TRA2A: variants seen among roughly 807,000 people sequenced by gnomAD.
The protein encoded by TRA2A is transformer 2 alpha homolog.
Under a neutral mutation model 45.7 loss-of-function variants are expected in TRA2A, and 31 were observed. The observed-to-expected ratio is 0.68, with a 90% CI of 0.51 to 0.92. The LOEUF is 0.92. TRA2A is among the 40% of genes least tolerant of loss of function. The pLI is 0.00. For missense variants in TRA2A, 304 were observed against 367.5 expected (o/e 0.83, Z 1.41); for synonymous variants, 132 against 126.2 (o/e 1.05, Z -0.31).
At chr7:23,530,683 G>A (rs1207590741) in intron 1 of TRA2A, among the ~76,000 whole-genome samples, 1 of 152,126 alleles carries the variant, frequency 6.6e-6, no homozygotes. Context: ...TTAAGCTGGG[G>A]ATATCGTATT....
rs1211117718 is a variant in TRA2A at position 23,506,060 on chromosome 7, A to T, written c.770+78T>A. ...TATTTTAAAAATCAAGTTTTTATTC[A>T]TATGTATCCAACATAAAAGTGCCAA... On this transcript the variant is annotated intron_variant, in intron 6 of 7. Coordinates refer to ENST00000297071, the MANE Select transcript of TRA2A (RefSeq NM_013293.5). 1.7e-5 allele frequency: 22 copies of T among 1,270,142 alleles called. No homozygotes were observed. The South Asian group carries it at 3.0e-4, about 18-fold the overall frequency. The allele number at this position is 1,270,142 out of a possible 1,614,324, so 78.7% of individuals were successfully genotyped here.
chr7:23,525,948 GA>G (rs1790324016), intron 1 of TRA2A, among the ~76,000 whole-genome samples: 1 of 152,110 alleles, frequency 6.6e-6, no homozygotes, highest in Non-Finnish European at 1.5e-5. Context: ...TTGGTTGAAG[GA>G]AATGGCCAAA....
Position 23,512,358 on chromosome 7 carries a change from C to T in TRA2A, c.525+536G>A, listed in dbSNP as rs1281040510. On this transcript the variant is annotated intron_variant, in intron 4 of 7. Transcript: ENST00000297071. ...AATTATCTGGGCATGGTGGCCCACA[C>T]TTGTAGTGTCTGCTACTCAGGAGGC... is the stretch of plus-strand genomic sequence containing the variant. Among the ~76,000 whole-genome samples the T allele has an allele frequency of 2.0e-5, 3 of 152,294 alleles. No homozygotes were observed. The East Asian group carries it at 5.8e-4, about 29-fold the overall frequency.
At chr7:23,506,370 TC>T (rs1562784613) in intron 5 of TRA2A, 104 bp from the exon 6 acceptor site, 2 of 1,345,152 alleles carry the variant, frequency 1.5e-6, no homozygotes, top group African/African-American at 2.9e-5. Context: ...AGGAAGAACA[TC>T]CCTTTCATGA....
chr7:23,505,505 A>T lies in TRA2A; in HGVS notation c.*54T>A. ...GCTTGGGGAAATCTCAGAATTAAAA[A>T]AAAAAAAAAAAAAAAGAGGAAAAAA... On this transcript the variant is annotated 3_prime_UTR_variant, in exon 8 of 8. Transcript: ENST00000297071. 1.9e-6 allele frequency: 1 copy of T among 530,244 alleles called. No homozygotes were observed. Among genetic ancestry groups the T allele is most frequent in the Non-Finnish European group, 3.4e-6 (1 of 294,036 alleles). 32.8% of individuals were successfully genotyped at this position (530,244 alleles called of 1,614,324 possible).
At chr7:23,512,840 C>G (rs1789689587) in intron 4 of TRA2A, 54 bp downstream of exon 4, 2 of 1,249,444 alleles carry the variant, frequency 1.6e-6, no homozygotes, top group East Asian at 2.7e-5. Flanking sequence ...GTCTATTAAT[C>G]AACTTTTCAC....
chr7:23,515,194 C>G (rs1030125225), intron 3 of TRA2A, among the ~76,000 whole-genome samples: 42 of 145,094 alleles, frequency 2.9e-4, no homozygotes, highest in African/African-American at 9.9e-4. Flanking sequence ...TCAATTTATG[C>G]TTTTCACTTG....
rs762294999 is a variant in TRA2A at position 23,521,807 on chromosome 7, T to C, written c.70A>G (p.Thr24Ala). 1.1e-5 allele frequency: 18 copies of C among 1,613,812 alleles called. No individual in the cohort carries two copies. Among genetic ancestry groups the C allele is most frequent in the Non-Finnish European group, 1.4e-5 (16 of 1,180,006 alleles). Residue 24 changes from threonine (T) to alanine (A), a missense_variant, in exon 2 of 8, where the codon ACT (threonine) becomes GCT (alanine). Physicochemically the swap from Thr to Ala is moderately conservative, Grantham distance 58. Around this residue, in one of 3 missense-constraint regions of TRA2A, gnomAD observed 132 missense variants for 113.4 expected, o/e 1.16. Coordinates refer to ENST00000297071, the MANE Select transcript of TRA2A (RefSeq NM_013293.5). Reference sequence around the variant, plus strand: ...CTCTCCGATTTTACACGAGCAGGAGTTCCCGTTGGAGATTTTGACTGAGAG... The same window carrying C: ...CTCTCCGATTTTACACGAGCAGGAGCTCCCGTTGGAGATTTTGACTGAGAG... ...SRSQSKSPTGTPARVKSESRS... is the reference protein window; with the variant it reads ...SRSQSKSPTGAPARVKSESRS...
At chr7:23,529,540 C>A (rs1027711457) in intron 1 of TRA2A, among the ~76,000 whole-genome samples, 6 of 152,142 alleles carry the variant, frequency 3.9e-5, no homozygotes, top group African/African-American at 1.4e-4. Flanking sequence ...GGATTACAGG[C>A]GTGAGCCACT....
chr7:23,520,183 T>G (rs962723370), intron 2 of TRA2A, among the ~76,000 whole-genome samples: 11 of 152,242 alleles, frequency 7.2e-5, no homozygotes, highest in Admixed American at 2.6e-4. Context: ...GCCACTGCAC[T>G]GCAGGCTGGG....
At chr7:23,518,159 G>A (rs966335502) in intron 2 of TRA2A, among the ~76,000 whole-genome samples, 3 of 151,824 alleles carry the variant, frequency 2.0e-5, no homozygotes, top group Non-Finnish European at 4.4e-5. Flanking sequence ...GGCTGGTCTT[G>A]AAGTCCTGTT....
chr7:23,508,542 T>C (rs1015008369), intron 4 of TRA2A, among the ~76,000 whole-genome samples: 1 of 152,220 alleles, frequency 6.6e-6, no homozygotes, highest in Non-Finnish European at 1.5e-5. Context: ...TTGCACAGGC[T>C]GGAGTGCAAT....
chr7:23,515,703 G>A (rs568623429), intron 3 of TRA2A, among the ~76,000 whole-genome samples: 4 of 151,626 alleles, frequency 2.6e-5, no homozygotes, highest in African/African-American at 9.7e-5. Context: ...AAGCCACCAC[G>A]CCTGGCTAAT....
chr7:23,513,873 G>A (rs12112735), intron 3 of TRA2A, among the ~76,000 whole-genome samples: 9,413 of 152,050 alleles, frequency 0.062, 988 homozygotes, highest in African/African-American at 0.22. Flanking sequence ...AGGCAAAGGC[G>A]GAGGAGAACA....
chr7:23,506,748 C>T (rs929104429), intron 5 of TRA2A, among the ~76,000 whole-genome samples: 1 of 152,110 alleles, frequency 6.6e-6, no homozygotes, highest in Non-Finnish European at 1.5e-5. Flanking sequence ...CCAAGAAATA[C>T]CTCTGTGAAT....
intron 1 of TRA2A, chr7:23,522,242 CCAATT>C: frequency 9.1e-7 from 1 of 1,102,744 alleles, no homozygotes; most frequent in South Asian, 2.3e-5. Flanking sequence ...GTATTCTTCC[CCAATT>C]CAAACAATTC....
chr7:23,521,519 G>C (rs967347920), intron 2 of TRA2A, among the ~76,000 whole-genome samples, 188 bp downstream of exon 2: 3 of 152,032 alleles, frequency 2.0e-5, no homozygotes, highest in African/African-American at 7.3e-5. Flanking sequence ...ATGCAGCCTG[G>C]AACTCCTGGG....
chr7:23,507,165 G>T, intron 5 of TRA2A: 5 of 459,448 alleles, frequency 1.1e-5, no homozygotes, highest in South Asian at 7.8e-5. Context: ...TCACTCTGTT[G>T]CCCAGGCTCA....
Position 23,524,431 on chromosome 7 carries a change from G to A in TRA2A, c.37-2591C>T, listed in dbSNP as rs183138106. On this transcript the variant is annotated intron_variant, in intron 1 of 7. Coordinates refer to ENST00000297071, the MANE Select transcript of TRA2A (RefSeq NM_013293.5). ...ACTCCTGACCTCTAGTGATCTGCCC[G>A]CCTCAGCCTCCCAAAGTGCTGGGAT... 8.1e-3 allele frequency among the ~76,000 whole-genome samples: 1,236 copies of A among 152,158 alleles called. 8 individuals carry two copies. Among genetic ancestry groups the A allele is most frequent in the Admixed American group, 0.013 (204 of 15,274 alleles).
Sources: allele counts gnomAD v4.1 joint callset (sites outside exome capture counted in the v4.1 genomes callset), GRCh38; gene constraint gnomAD v4.1.1; regional missense constraint gnomAD v4.1.1; transcripts MANE v1.5; gene names NCBI Gene and HGNC (gene_info 2026-07-23, HGNC 2026-07-21).